Variants in SRBD1 observed in about 807,000 individuals in gnomAD.
SRBD1 encodes the protein S1 RNA binding domain 1.
Under a neutral mutation model 115.3 loss-of-function variants are expected in SRBD1, and 88 were observed. That is an observed-to-expected ratio of 0.76 (90% CI 0.64 to 0.91). The LOEUF is 0.91. Among genes scored for constraint, SRBD1 ranks in the 40% least tolerant of loss-of-function variants. SRBD1 has a pLI of 0.00. For missense variants in SRBD1, 1,385 were observed against 1,177.4 expected (o/e 1.18, Z -2.58); for synonymous variants, 509 against 407.7 (o/e 1.25, Z -2.99).
intron 16 of SRBD1, among the ~76,000 whole-genome samples, chr2:45,459,554 TAAAC>T (rs1669252333): frequency 1.3e-5 from 2 of 152,204 alleles, no homozygotes; most frequent in Admixed American, 1.3e-4. Context: ...AGCATATGAA[TAAAC>T]AACAGGAATA....
chr2:45,592,760 C>G (rs1241652660), intron 4 of SRBD1, among the ~76,000 whole-genome samples: 1 of 152,152 alleles, frequency 6.6e-6, no homozygotes. Flanking sequence ...TTGATGAGAT[C>G]TATGAACTAC....
At chr2:45,486,767 T>C (rs1329020965) in intron 15 of SRBD1, among the ~76,000 whole-genome samples, 1 of 150,984 alleles carries the variant, frequency 6.6e-6, no homozygotes, top group African/African-American at 2.4e-5. Flanking sequence ...AATAAATAAA[T>C]AAATAAATTT....
chr2:45,582,529 T>C (rs1257281240), intron 5 of SRBD1, among the ~76,000 whole-genome samples: 1 of 152,196 alleles, frequency 6.6e-6, no homozygotes, highest in Non-Finnish European at 1.5e-5. Context: ...AATTATCCCA[T>C]TCCTCATTAA....
At chr2:45,548,724 A>AAAG (rs1351762274) in intron 12 of SRBD1, among the ~76,000 whole-genome samples, 1 of 151,852 alleles carries the variant, frequency 6.6e-6, no homozygotes, top group East Asian at 1.9e-4. Context: ...ATGCAAAAAA[A>AAAG]AAAAACACTG....
intron 7 of SRBD1, among the ~76,000 whole-genome samples, chr2:45,576,847 T>C (rs956303280): frequency 6.6e-6 from 1 of 152,156 alleles, no homozygotes; most frequent in African/African-American, 2.4e-5. Flanking sequence ...ACAGAAGAAA[T>C]TATAGACTTT....
At chr2:45,443,805 GAA>G (rs10611144) in intron 16 of SRBD1, among the ~76,000 whole-genome samples, 22,422 of 130,598 alleles carry the variant, frequency 0.17, 2,256 homozygotes, top group African/African-American at 0.31. Context: ...AAGTTATTTT[GAA>G]AAAAAAAAAA....
At chr2:45,593,802 T>C (rs1673799108) in intron 4 of SRBD1, among the ~76,000 whole-genome samples, 1 of 152,154 alleles carries the variant, frequency 6.6e-6, no homozygotes, top group Admixed American at 6.6e-5. Flanking sequence ...CTTATTCTAC[T>C]ACACACACAA....
chr2:45,591,223 G>C (rs1037783238), intron 4 of SRBD1, among the ~76,000 whole-genome samples: 3 of 152,278 alleles, frequency 2.0e-5, no homozygotes, highest in African/African-American at 7.2e-5. Context: ...ACATGGATCA[G>C]ATGGCAACAT....
Position 45,389,142 on chromosome 2 carries a change from G to A in SRBD1, c.*168C>T. The A allele has an allele frequency of 2.5e-6, 2 of 808,540 alleles. No individual in the cohort carries two copies. Among genetic ancestry groups the A allele is most frequent in the Non-Finnish European group, 3.8e-6 (2 of 529,738 alleles). The allele number at this position is 808,540 out of a possible 1,614,324, so 50.1% of individuals were successfully genotyped here. A position where few individuals can be genotyped will look rare whatever the true frequency, so the allele number is the denominator to read the frequency against. On this transcript the variant is annotated 3_prime_UTR_variant, in exon 21 of 21. Transcript: ENST00000263736. The stretch of plus-strand genomic sequence containing the variant: ...AAGGGAAAAGGAAATCAAACTGTTG[G>A]TTTTCTATTTATTCAGAAGAAAAAA...
At chr2:45,546,343 G>A (rs1445557432) in intron 14 of SRBD1, 2 of 985,410 alleles carry the variant, frequency 2.0e-6, no homozygotes, top group African/African-American at 3.5e-5. Flanking sequence ...GAAGGGTAAT[G>A]ATTCATAGGC....
At chr2:45,544,214 C>T (rs919001445) in intron 14 of SRBD1, among the ~76,000 whole-genome samples, 1 of 58,770 alleles carries the variant, frequency 1.7e-5, no homozygotes, top group South Asian at 5.1e-4. Flanking sequence ...GCCTGGGTAA[C>T]AAAGCAAGAC....
intron 14 of SRBD1, among the ~76,000 whole-genome samples, chr2:45,494,774 A>C (rs1356071810): frequency 1.3e-5 from 2 of 152,210 alleles, no homozygotes; most frequent in African/African-American, 4.8e-5. Context: ...ATGAAAAAGT[A>C]CTAAGGGCAA....
At chr2:45,470,344 CT>C (rs1364249506) in intron 16 of SRBD1, among the ~76,000 whole-genome samples, 2 of 151,958 alleles carry the variant, frequency 1.3e-5, no homozygotes, top group African/African-American at 4.8e-5. Context: ...GATGATTTTC[CT>C]TTTACAGTAA....
chr2:45,488,348 AG>A lies in SRBD1; in HGVS notation c.1875-18del. ...CTGACGATACTGAGAAGACAGAAAA[AG>A]GGGAATATCACTTTCCTAACTTCCT... is the stretch of plus-strand genomic sequence containing the variant. On this transcript the variant is annotated intron_variant, in intron 14 of 20. Coordinates refer to ENST00000263736, the MANE Select transcript of SRBD1 (RefSeq NM_018079.5). 1 of 1,606,326 alleles carries A rather than the reference AG, an allele frequency of 6.2e-7. No homozygotes were observed. The highest frequency in any genetic ancestry group is 1.3e-5 in the African/African-American group (1 of 74,868).
At position 45,550,272 on chromosome 2, in the gene SRBD1, A is replaced by C. The variant is rs181998218; in HGVS notation, c.1675+853T>G. ...ATAATATGTATGTAATTGGAGTTCCAGAAAGAGATGCTAGAAGCTCCACAA... is the reference window on the plus strand; with the variant it reads ...ATAATATGTATGTAATTGGAGTTCCCGAAAGAGATGCTAGAAGCTCCACAA... On this transcript the variant is annotated intron_variant, in intron 12 of 20. Transcript: ENST00000263736. 1.1e-4 allele frequency among the ~76,000 whole-genome samples: 16 copies of C among 152,280 alleles called. No individual in the cohort carries two copies. In the East Asian group the frequency reaches 2.7e-3, roughly 26 times the overall value.
rs576076000 is a variant in SRBD1, at chr2:45,422,308, C to G, written c.2050-2414G>C. On this transcript the variant is annotated intron_variant, in intron 16 of 20. Coordinates refer to ENST00000263736, the MANE Select transcript of SRBD1 (RefSeq NM_018079.5). ...GTCAACCCCTTCTCCTCCTTTCAAA[C>G]AGAAGCCTGACCGTGTGTCTAGCAT... Among the ~76,000 whole-genome samples the G allele has an allele frequency of 1.7e-4, 26 of 152,278 alleles. No homozygotes were observed. In the South Asian group the frequency reaches 5.4e-3, roughly 32 times the overall value.
At position 45,411,567 on chromosome 2, in the gene SRBD1, G is replaced by A. The variant is rs891473743; in HGVS notation, c.2513+1547C>T. On this transcript the variant is annotated intron_variant, in intron 19 of 20. Transcript: ENST00000263736. ...TGGGAGGTTGGGGCAGTAACTGATC[G>A]GAAGAGGTATAAGGGAACGTTTTCA... Among the ~76,000 whole-genome samples the A allele has an allele frequency of 5.3e-5, 8 of 152,216 alleles. No individual in the cohort carries two copies. In the East Asian group the frequency reaches 7.7e-4, roughly 15 times the overall value.
At chr2:45,481,509 T>C (rs1483440134) in intron 15 of SRBD1, among the ~76,000 whole-genome samples, 1 of 151,822 alleles carries the variant, frequency 6.6e-6, no homozygotes, top group Non-Finnish European at 1.5e-5. Context: ...GAGGAAGTAA[T>C]GAAAGAGGCA....
At chr2:45,547,860 AG>A (rs576853052) in intron 12 of SRBD1, among the ~76,000 whole-genome samples, 2 of 152,338 alleles carry the variant, frequency 1.3e-5, no homozygotes, top group African/African-American at 4.8e-5. Context: ...GATACCTAAA[AG>A]AAAAATGGTT....
Sources: gnomAD v4.1 joint callset for allele counts (sites outside exome capture counted in the v4.1 genomes callset) on GRCh38, gnomAD v4.1.1 for gene constraint, MANE v1.5 for transcripts, NCBI Gene and HGNC (gene_info 2026-07-23, HGNC 2026-07-21) for gene names.